SLC6A12: variants seen among roughly 807,000 people sequenced by gnomAD.
SLC6A12 encodes the protein solute carrier family 6 member 12.
In SLC6A12, 50 loss-of-function variants were observed where a neutral mutation model predicts 73.3. The ratio of observed to expected loss-of-function variants is 0.68; its 90% confidence interval spans 0.54 to 0.86. The LOEUF (loss-of-function observed/expected upper bound fraction) is 0.86. Ranked by LOEUF, SLC6A12 falls within the 40% of genes least tolerant of loss-of-function variation. SLC6A12 has a pLI of 0.00. For synonymous variants in SLC6A12, 304 were observed against 309.2 expected, an observed-to-expected ratio of 0.98 and a Z score of 0.18; for missense variants, 648 against 772.8, an observed-to-expected ratio of 0.84 and a Z score of 1.92.
At chr12:200,284 A>T in intron 7 of SLC6A12, among the ~76,000 whole-genome samples, 1 of 150,292 alleles carries the variant, frequency 6.7e-6, no homozygotes, top group African/African-American at 2.5e-5. Context: ...AATTTTTTGT[A>T]TTTTTAGTAG....
chr12:187,614 AAAAAAAAAAAAAAAAAACAAAC>A (rs1939457820), downstream of SLC6A12, among the ~76,000 whole-genome samples: 18 of 15,298 alleles, frequency 1.2e-3, no homozygotes, highest in Admixed American at 1.8e-3. Flanking sequence ...AAAAAAAAAA[AAAAAAAAAAAAAAAAAACAAAC>A]CACACACACA....
At position 190,968 on chromosome 12, in the gene SLC6A12, G is replaced by T; in HGVS notation, c.*100C>A. On this transcript the variant is annotated 3_prime_UTR_variant, in exon 16 of 16. Transcript: ENST00000684302. Reference sequence around the variant, plus strand: ...GTGGCTCTCCAGAGGTTCCCAGCAGGATTGTGGCAGGAGACAGAGGCAGAG... The same window carrying T: ...GTGGCTCTCCAGAGGTTCCCAGCAGTATTGTGGCAGGAGACAGAGGCAGAG... 9.4e-7 allele frequency: 1 copy of T among 1,069,002 alleles called. No individual in the cohort carries two copies. The highest frequency in any genetic ancestry group is 1.2e-6 in the Non-Finnish European group (1 of 832,216). 66.2% of individuals were successfully genotyped at this position (1,069,002 alleles called of 1,614,324 possible).
chr12:187,266 A>G (rs921740331), downstream of SLC6A12, among the ~76,000 whole-genome samples: 10 of 152,246 alleles, frequency 6.6e-5, no homozygotes, highest in East Asian at 7.7e-4. Context: ...TTCAAGCATG[A>G]AGCCGCAGAC....
Position 197,420 on chromosome 12 carries a change from C to A in SLC6A12, c.1032G>T (p.Met344Ile), listed in dbSNP as rs1233017485. 6.2e-7 allele frequency: 1 copy of A among 1,613,828 alleles called. No individual in the cohort carries two copies. The highest frequency in any genetic ancestry group is 1.7e-5 in the Admixed American group (1 of 59,988). ...AAATGGGCACCCCTTGCTCTTGGGA[C>A]ATGAAGCCCAGGATGGAGAAGACAA... ...GFVVFSILGF[M>I]SQEQGVPISE... The change falls in exon 10 of 16, where the codon ATG becomes ATT. Residue 344 changes from methionine (M) to isoleucine (I), a missense_variant. Met to Ile is a conservative substitution (Grantham distance 10). Coordinates refer to ENST00000684302, the MANE Select transcript of SLC6A12 (RefSeq NM_001122848.3).
At position 198,780 on chromosome 12, in the gene SLC6A12, C is replaced by T. The variant is rs746811645; in HGVS notation, c.846+17G>A. The T allele has an allele frequency of 9.9e-5, 159 of 1,613,270 alleles. 2 individuals carry two copies. The South Asian group carries it at 1.6e-3, about 17-fold the overall frequency. ...TGGGGAAGGCACCTGGGGAAGTGGT[C>T]CCAGCACGGTACATACCTGAGGGTC... On this transcript the variant is annotated intron_variant, in intron 8 of 15. Transcript: ENST00000684302. This position sits in a 1 kb window ranked among gnomAD's most constrained non-coding sequence, Gnocchi z 4.0.
chr12:187,223 G>A (rs1014485038), downstream of SLC6A12, among the ~76,000 whole-genome samples: 5 of 152,130 alleles, frequency 3.3e-5, no homozygotes, highest in African/African-American at 7.2e-5. Flanking sequence ...ATGAAAGTGT[G>A]CCCAGAGTAA....
At position 210,021 on chromosome 12, in the gene SLC6A12, G is replaced by A; in HGVS notation, c.-35C>T. ...GTGGGTTGGGAAGCCCCGCTGGGTG[G>A]GCAGGATGACGAGGGCCAAAGCCTG... On this transcript the variant is annotated 5_prime_UTR_variant, in exon 3 of 16. Transcript: ENST00000684302. 1 of 1,609,468 alleles carries A rather than the reference G, an allele frequency of 6.2e-7. No homozygotes were observed. The highest frequency in any genetic ancestry group is 8.5e-7 in the Non-Finnish European group (1 of 1,176,490).
intron 3 of SLC6A12, among the ~76,000 whole-genome samples, chr12:206,541 A>G (rs1940653892): frequency 6.6e-6 from 1 of 152,228 alleles, no homozygotes; most frequent in African/African-American, 2.4e-5. Flanking sequence ...ACGCATTTCC[A>G]AATTGTTCTC....
chr12:184,359 T>C, the SLC6A12 span, among the ~76,000 whole-genome samples: 1 of 152,174 alleles, frequency 6.6e-6, no homozygotes, highest in East Asian at 1.9e-4. Flanking sequence ...GCATGGTGGC[T>C]CACACCTGTA....
At chr12:199,134 C>T in intron 7 of SLC6A12, 1 of 455,390 alleles carries the variant, frequency 2.2e-6, no homozygotes. Flanking sequence ...AGATACACAT[C>T]AGCAGGGGGA....
At chr12:184,323 T>G in the SLC6A12 span, among the ~76,000 whole-genome samples, 2 of 152,096 alleles carry the variant, frequency 1.3e-5, no homozygotes, top group African/African-American at 4.8e-5. Flanking sequence ...GTAAATGATA[T>G]CTATCAAAAA....
At chr12:209,048 C>T (rs4980865) in intron 3 of SLC6A12, among the ~76,000 whole-genome samples, 65,515 of 151,810 alleles carry the variant, frequency 0.43, 14,281 homozygotes, top group South Asian at 0.52. Flanking sequence ...CTGCCCTCAC[C>T]CGGTTATTCT....
Position 204,550 on chromosome 12 carries a change from G to A in SLC6A12, c.349+14C>T, listed in dbSNP as rs772399402. 6 of 1,613,624 alleles carry A rather than the reference G, an allele frequency of 3.7e-6. No individual in the cohort carries two copies. The South Asian group carries it at 5.5e-5, about 15-fold the overall frequency. On this transcript the variant is annotated intron_variant, in intron 4 of 15. Transcript: ENST00000684302. ...GGCGGCCCCATGAAGGGGAAGGTGG[G>A]GGAGGATACATACCCTGGAAGAGGG...
intron 13 of SLC6A12, among the ~76,000 whole-genome samples, chr12:193,772 C>A (rs1490070689): frequency 6.6e-6 from 1 of 152,198 alleles, no homozygotes; most frequent in Non-Finnish European, 1.5e-5. Context: ...AACAACAAGG[C>A]TCCCGCTGTT....
At position 196,117 on chromosome 12, in the gene SLC6A12, A is replaced by C. The variant is rs984552597; in HGVS notation, c.1326+7T>G. 3.2e-6 allele frequency: 5 copies of C among 1,554,914 alleles called. No homozygotes were observed. Among genetic ancestry groups the C allele is most frequent in the East Asian group, 2.4e-5 (1 of 41,984 alleles). On this transcript the variant is annotated splice_region_variant and intron_variant, in intron 12 of 15. Transcript: ENST00000684302. The stretch of plus-strand genomic sequence containing the variant: ...GCCTGGCCTGCAGGCCGGCGGCCGC[A>C]GCTCACCTCGGTGACCAGGAAAAGC...
chr12:195,028 G>C lies in SLC6A12; in HGVS notation c.1429+197C>G, dbSNP rs571918661. 6.6e-4 allele frequency among the ~76,000 whole-genome samples: 100 copies of C among 152,314 alleles called. No homozygotes were observed. In the South Asian group the frequency reaches 7.9e-3, roughly 12 times the overall value. ...GGAAATCCATTTTGTCATCATTACA[G>C]CTCTGCTTGCTGCCATGAAAATGCC... On this transcript the variant is annotated intron_variant, in intron 13 of 15. Coordinates refer to ENST00000684302, the MANE Select transcript of SLC6A12 (RefSeq NM_001122848.3).
Position 195,341 on chromosome 12 carries a change from G to A in SLC6A12, c.1327-14C>T, listed in dbSNP as rs750032616. The A allele has an allele frequency of 2.3e-5, 36 of 1,543,438 alleles. No homozygotes were observed. The highest frequency in any genetic ancestry group is 4.1e-5 in the African/African-American group (3 of 73,504). ...GTACATCCCGCCCTGTGGGGAGAGC[G>A]TGGAGCTGGGGCATGGCCAGTGCAG... On this transcript the variant is annotated splice_polypyrimidine_tract_variant and intron_variant, in intron 12 of 15. Transcript: ENST00000684302.
At chr12:196,662 T>G in intron 11 of SLC6A12, 108 bp downstream of exon 11, 1 of 805,296 alleles carries the variant, frequency 1.2e-6, no homozygotes, top group Non-Finnish European at 2.1e-6. Context: ...AGAGGGGGCC[T>G]CAGGTGTGTG....
At chr12:188,113 G>C (rs183961356), downstream of SLC6A12, among the ~76,000 whole-genome samples, 1 of 152,204 alleles carries the variant, frequency 6.6e-6, no homozygotes, top group South Asian at 2.1e-4. Context: ...GGTTCCGTGC[G>C]CCCGCACTTC....
Sources: allele counts gnomAD v4.1 joint callset (sites outside exome capture counted in the v4.1 genomes callset), GRCh38; gene constraint gnomAD v4.1.1; non-coding constraint Gnocchi (gnomAD v3.1); transcripts MANE v1.5; gene names NCBI Gene and HGNC (gene_info 2026-07-23, HGNC 2026-07-21).